Variants in CD300A observed in about 807,000 individuals in gnomAD.
The protein encoded by CD300A is CD300a molecule, also known as CMRF35-like molecule 8.
CD300A carries 22 observed loss-of-function variants against 33.6 expected under a neutral mutation model. The ratio of observed to expected loss-of-function variants is 0.66; its 90% CI spans 0.47 to 0.94. CD300A has a LOEUF of 0.94. Among genes scored for constraint, CD300A ranks in the 40% least tolerant of loss-of-function variants. The pLI, the probability that CD300A is intolerant of heterozygous loss-of-function variation, is 0.00. For missense variants in CD300A, 326 were observed against 360.5 expected (o/e 0.90, Z 0.77); for synonymous variants, 136 against 148.1 (o/e 0.92, Z 0.59).
chr17:74,475,016 T>C (rs555930026), intron 3 of CD300A, among the ~76,000 whole-genome samples: 30 of 152,336 alleles, frequency 2.0e-4, no homozygotes, highest in African/African-American at 7.2e-4. Flanking sequence ...TTCCGTGTAT[T>C]AGTCTGTTTT....
upstream of CD300A, chr17:74,466,548 T>C: frequency 1.2e-6 from 1 of 834,470 alleles, no homozygotes; most frequent in Non-Finnish European, 1.9e-6. Context: ...CTGCATTTTC[T>C]GACCGGCTCC....
In CD300A at chr17:74,474,676, T is replaced by A; in HGVS notation, c.524T>A (p.Val175Glu). 2 of 1,614,044 alleles carry A rather than the reference T, an allele frequency of 1.2e-6. No individual in the cohort carries two copies. Among genetic ancestry groups the A allele is most frequent in the Non-Finnish European group, 1.7e-6 (2 of 1,179,970 alleles). ...ASIQEETEEV[V>E]NSQLPLLLSL... ...ATCCAGGAGGAAACTGAGGAGGTGG[T>A]GAACTCACAGTAAGCACCCTAGCCC... The change falls in exon 3 of 7, where the codon GTG becomes GAG. Residue 175 changes from valine to glutamate, a missense_variant. By Grantham distance (121) the Val-to-Glu change is moderately radical. Transcript: ENST00000360141.
chr17:74,470,092 G>C, intron 1 of CD300A: 1 of 985,380 alleles, frequency 1.0e-6, no homozygotes, highest in African/African-American at 1.7e-5. Context: ...TAAGACGACA[G>C]AGGAATATCC....
intron 4 of CD300A, 126 bp downstream of exon 4, chr17:74,477,656 A>C: frequency 1.7e-6 from 1 of 595,154 alleles, no homozygotes; most frequent in Non-Finnish European, 3.0e-6. Flanking sequence ...CAGACCACAC[A>C]TCCTAGGTGA....
rs758210209 is a variant in CD300A, at chr17:74,473,682, G to A, written c.187G>A (p.Glu63Lys). 7 of 1,614,244 alleles carry A rather than the reference G, an allele frequency of 4.3e-6. No homozygotes were observed. The East Asian group carries it at 1.1e-4, about 26-fold the overall frequency. The change falls in exon 2 of 7, where the codon GAG becomes AAG. Residue 63 changes from glutamate (E) to lysine (K), a missense_variant. Coordinates refer to ENST00000360141, the MANE Select transcript of CD300A (RefSeq NM_007261.4). ...PQIFLCDKIV[E>K]TKGSAGKRNG... ...GATTTTCCTATGTGACAAGATTGTG[G>A]AGACCAAAGGGTCAGCAGGAAAAAG...
rs572224533 is a variant in CD300A at position 74,469,125 on chromosome 17, A to G, written c.40+2382A>G. On this transcript the variant is annotated intron_variant, in intron 1 of 6. Transcript: ENST00000360141. Reference sequence around the variant, plus strand: ...TAAAATTGAAATTATTTGTTCCTTGAAGTTTTTAGAGAACTAGCTTGTAAA... The same window carrying G: ...TAAAATTGAAATTATTTGTTCCTTGGAGTTTTTAGAGAACTAGCTTGTAAA... Among the ~76,000 whole-genome samples, 10 of 152,186 alleles carry G rather than the reference A, an allele frequency of 6.6e-5. No homozygotes were observed. The East Asian group carries it at 1.7e-3, about 26-fold the overall frequency.
At position 74,480,301 on chromosome 17, in the gene CD300A, A is replaced by G. The variant is rs1198667739; in HGVS notation, c.629-988A>G. Among the ~76,000 whole-genome samples the G allele has an allele frequency of 6.6e-6, 1 of 152,086 alleles. No homozygotes were observed. The highest frequency in any genetic ancestry group is 6.5e-5 in the Admixed American group (1 of 15,276). ...GAGCCCACAGATCCCCACAGCATCC[A>G]GTGCAGTGGGCTCTGGGGTTGCCTG... On this transcript the variant is annotated intron_variant, in intron 4 of 6. Coordinates refer to ENST00000360141, the MANE Select transcript of CD300A (RefSeq NM_007261.4). The surrounding 1 kb of genome is among the most constrained non-coding windows in gnomAD (Gnocchi z 4.2).
At chr17:74,471,705 G>A (rs1906111257) in intron 1 of CD300A, among the ~76,000 whole-genome samples, 1 of 152,162 alleles carries the variant, frequency 6.6e-6, no homozygotes, top group South Asian at 2.1e-4. Flanking sequence ...TCTCTGCAGG[G>A]GGATGTGTAC....
rs754986019 is a variant in CD300A at position 74,473,701 on chromosome 17, G to A, written c.206G>A (p.Gly69Glu). The change falls in exon 2 of 7, where the codon GGA becomes GAA. Residue 69 changes from glycine to glutamate, a missense_variant. By Grantham distance (98) the Gly-to-Glu change is moderately conservative. Transcript: ENST00000360141. ...DKIVETKGSAGKRNGRVSIRD... is the reference protein window; with the variant it reads ...DKIVETKGSAEKRNGRVSIRD... ...ATTGTGGAGACCAAAGGGTCAGCAG[G>A]AAAAAGGAACGGCCGAGTGTCCATC... 1 of 1,614,170 alleles carries A rather than the reference G, an allele frequency of 6.2e-7. No homozygotes were observed. The highest frequency in any genetic ancestry group is 1.1e-5 in the South Asian group (1 of 91,080).
rs1567985687 is a variant in CD300A at position 74,482,701 on chromosome 17, T to TTCCTTCCTTC, written c.774+868_774+869insTCCTTCCTTC. Among the ~76,000 whole-genome samples, 75 of 111,872 alleles carry TTCCTTCCTTC rather than the reference T, an allele frequency of 6.7e-4. 6 individuals are homozygous for TTCCTTCCTTC. Among genetic ancestry groups the TTCCTTCCTTC allele is most frequent in the African/African-American group, 3.0e-3 (65 of 21,980 alleles). The allele number at this position is 111,872 out of a possible 152,430, so 73.4% of individuals were successfully genotyped here. ...AAGTTCCTTCCTTCCTTCCTTCCTT[T>TTCCTTCCTTC]CTTTCTTTCTTTCTTTCTTTCTTTC... On this transcript the variant is annotated intron_variant, in intron 6 of 6. Transcript: ENST00000360141.
chr17:74,476,842 T>C (rs1036840432), intron 3 of CD300A, among the ~76,000 whole-genome samples: 2 of 152,206 alleles, frequency 1.3e-5, no homozygotes, highest in African/African-American at 4.8e-5. Context: ...TAAGATGTAT[T>C]GCTAAGTAAA....
At position 74,484,366 on chromosome 17, in the gene CD300A, A is replaced by G. The variant is rs1044282; in HGVS notation, c.*240A>G. 183,261 of 402,474 alleles carry G rather than the reference A, an allele frequency of 0.46. 48,007 individuals carry two copies. The highest frequency in any genetic ancestry group is 0.87 in the African/African-American group (42,852 of 49,300). 24.9% of individuals were successfully genotyped at this position (402,474 alleles called of 1,614,324 possible). On this transcript the variant is annotated 3_prime_UTR_variant, in exon 7 of 7. Transcript: ENST00000360141. ...GCACTCCCAGCCACCAGTGCCTGTC[A>G]CCTCTTTCCCCTTTGCCCCTGCTTC...
chr17:74,476,887 G>A (rs970121312), intron 3 of CD300A, among the ~76,000 whole-genome samples: 1 of 152,152 alleles, frequency 6.6e-6, no homozygotes, highest in Non-Finnish European at 1.5e-5. Flanking sequence ...TCCTTTGTGT[G>A]AAAGAGAAAG....
Position 74,484,241 on chromosome 17 carries a change from G to A in CD300A, c.*115G>A. 8.5e-7 allele frequency: 1 copy of A among 1,175,818 alleles called. No individual in the cohort carries two copies. The allele number at this position is 1,175,818 out of a possible 1,614,324, so 72.8% of individuals were successfully genotyped here. A position where few individuals can be genotyped will look rare whatever the true frequency, so the allele number is the denominator to read the frequency against. Reference sequence around the variant, plus strand: ...CTGCCCTCGACAACAGTGACCAACAGACAGGCAGCTGGGTTTCCCAGGCCA... The same window carrying A: ...CTGCCCTCGACAACAGTGACCAACAAACAGGCAGCTGGGTTTCCCAGGCCA... On this transcript the variant is annotated 3_prime_UTR_variant, in exon 7 of 7. Coordinates refer to ENST00000360141, the MANE Select transcript of CD300A (RefSeq NM_007261.4).
At chr17:74,477,818 G>A (rs1449440757) in intron 4 of CD300A, among the ~76,000 whole-genome samples, 1 of 152,120 alleles carries the variant, frequency 6.6e-6, no homozygotes, top group South Asian at 2.1e-4. Context: ...CCCTGGCATG[G>A]TGTGCTGGGT....
intron 1 of CD300A, 133 bp from the exon 2 acceptor site, chr17:74,473,403 T>G: frequency 1.3e-6 from 1 of 796,352 alleles, no homozygotes; most frequent in South Asian, 1.7e-5. Context: ...CAGTCCCCGC[T>G]CCTGGGTGGA....
chr17:74,476,558 T>C (rs571118458), intron 3 of CD300A, among the ~76,000 whole-genome samples: 1 of 152,242 alleles, frequency 6.6e-6, no homozygotes, highest in Admixed American at 6.5e-5. Flanking sequence ...AAATTATGAA[T>C]GCAAACGTAG....
intron 6 of CD300A, among the ~76,000 whole-genome samples, chr17:74,483,785 G>A (rs1333738910): frequency 6.6e-6 from 1 of 152,218 alleles, no homozygotes. Flanking sequence ...GGAGCCTCCT[G>A]CCTCTGATGC....
chr17:74,472,174 G>T (rs989104431), intron 1 of CD300A, among the ~76,000 whole-genome samples: 29 of 150,620 alleles, frequency 1.9e-4, no homozygotes, highest in African/African-American at 6.6e-4. Context: ...GGAGGCAGAG[G>T]TTGCAATGAG....
Sources: allele counts gnomAD v4.1 joint callset (sites outside exome capture counted in the v4.1 genomes callset), GRCh38; gene constraint gnomAD v4.1.1; non-coding constraint Gnocchi (gnomAD v3.1); transcripts MANE v1.5; gene names NCBI Gene and HGNC (gene_info 2026-07-23, HGNC 2026-07-21).